Variants in ASCC1 observed in about 807,000 individuals in gnomAD.
The protein encoded by ASCC1 is activating signal cointegrator 1 complex subunit 1.
Under a neutral mutation model 46.6 loss-of-function variants are expected in ASCC1, and 35 were observed. The observed-to-expected ratio is 0.75, with a 90% CI of 0.57 to 0.99. ASCC1 has a LOEUF of 0.99. Among genes scored for constraint, ASCC1 ranks in the 50% least tolerant of loss-of-function variants. The pLI is 0.00. For synonymous variants in ASCC1, 143 were observed against 146.6 expected (o/e 0.98, Z 0.18); for missense variants, 376 against 428.7 (o/e 0.88, Z 1.09).
chr10:72,098,056 T>C (rs1388090986), intron 9 of ASCC1, among the ~76,000 whole-genome samples: 1 of 152,208 alleles, frequency 6.6e-6, no homozygotes, highest in African/African-American at 2.4e-5. Flanking sequence ...ACTTATCAAA[T>C]ACCTTTATTA....
intron 5 of ASCC1, among the ~76,000 whole-genome samples, chr10:72,167,581 A>AT (rs1341844476): frequency 6.6e-6 from 1 of 152,034 alleles, no homozygotes; most frequent in Non-Finnish European, 1.5e-5. Flanking sequence ...AAATGAATTA[A>AT]TTTTATGGTA....
At chr10:72,116,615 C>A (rs1564596852) in intron 9 of ASCC1, among the ~76,000 whole-genome samples, 1 of 152,188 alleles carries the variant, frequency 6.6e-6, no homozygotes, top group Non-Finnish European at 1.5e-5. Context: ...TACATAATTT[C>A]TTCTGATCTA....
chr10:72,152,174 T>G (rs1318445763), intron 7 of ASCC1, among the ~76,000 whole-genome samples: 1 of 116,874 alleles, frequency 8.6e-6, no homozygotes, highest in African/African-American at 7.3e-5. Flanking sequence ...GTTTTTGGGT[T>G]TTTTTTTTTT....
Position 72,213,178 on chromosome 10 carries a change from T to C in ASCC1, c.112+9A>G, listed in dbSNP as rs1434649346. On this transcript the variant is annotated intron_variant, in intron 2 of 9. Transcript: ENST00000672957. ...ACTTCTTATCTGACCAAAGAGCAAC[T>C]AGGATTACCTTGATAGAAGTCCTCT... The C allele has an allele frequency of 1.3e-6, 2 of 1,581,604 alleles. No homozygotes were observed. The highest frequency in any genetic ancestry group is 8.7e-7 in the Non-Finnish European group (1 of 1,150,952).
intron 5 of ASCC1, among the ~76,000 whole-genome samples, chr10:72,191,656 CTTTTT>C (rs976887800): frequency 2.0e-5 from 3 of 150,292 alleles, no homozygotes; most frequent in African/African-American, 7.3e-5. Context: ...AAAAAATTTT[CTTTTT>C]TTTTGAGATG....
At chr10:72,161,771 G>T in intron 5 of ASCC1, 97 bp from the exon 6 acceptor site, 1 of 1,443,544 alleles carries the variant, frequency 6.9e-7, no homozygotes, top group Non-Finnish European at 9.6e-7. Flanking sequence ...CACACCTACA[G>T]CCAAGTGATT....
intron 3 of ASCC1, among the ~76,000 whole-genome samples, chr10:72,209,224 G>A (rs1450863656): frequency 4.0e-5 from 6 of 151,642 alleles, no homozygotes; most frequent in African/African-American, 7.3e-5. Context: ...TGGGCACAGT[G>A]GCTCATCCCA....
chr10:72,167,805 T>A lies in ASCC1; in HGVS notation c.490-6131A>T, dbSNP rs997432503. Among the ~76,000 whole-genome samples, 4 of 152,030 alleles carry A rather than the reference T, an allele frequency of 2.6e-5. No individual in the cohort carries two copies. In the South Asian group the frequency reaches 8.3e-4, roughly 31 times the overall value. On this transcript the variant is annotated intron_variant, in intron 5 of 9. Transcript: ENST00000672957. ...CTCACATCACCACACCTAGCTAATT[T>A]TTTTTAAATTTTTGTAGAAATGGGG...
intron 7 of ASCC1, among the ~76,000 whole-genome samples, chr10:72,143,405 G>T (rs1186973278): frequency 6.6e-6 from 1 of 151,604 alleles, no homozygotes; most frequent in Non-Finnish European, 1.5e-5. Context: ...GGGTCTCTCT[G>T]TTGCTCAGAC....
chr10:72,158,011 T>A (rs1054872551), intron 6 of ASCC1, among the ~76,000 whole-genome samples: 14 of 152,210 alleles, frequency 9.2e-5, no homozygotes, highest in Non-Finnish European at 2.1e-4. Flanking sequence ...GTCCTCACTC[T>A]TAACTACCTC....
chr10:72,157,781 T>TA (rs891074430), intron 6 of ASCC1, among the ~76,000 whole-genome samples: 3 of 152,018 alleles, frequency 2.0e-5, no homozygotes, highest in Admixed American at 2.0e-4. Context: ...TTTTAAACTA[T>TA]AAAAAAAATT....
At chr10:72,116,584 A>C (rs1028368863) in intron 9 of ASCC1, among the ~76,000 whole-genome samples, 3 of 152,096 alleles carry the variant, frequency 2.0e-5, no homozygotes, top group African/African-American at 7.2e-5. Context: ...TGTAATTTTT[A>C]TCTCTGTCTA....
chr10:72,208,188 T>A (rs970123624), intron 3 of ASCC1, among the ~76,000 whole-genome samples: 1 of 152,094 alleles, frequency 6.6e-6, no homozygotes, highest in Non-Finnish European at 1.5e-5. Flanking sequence ...TAATTTAACA[T>A]GCAAGTCACT....
intron 5 of ASCC1, chr10:72,180,919 A>G (rs1022475441): frequency 5.1e-6 from 1 of 197,286 alleles, no homozygotes; most frequent in Non-Finnish European, 1.1e-5. Context: ...ACTTTGGGAC[A>G]TTGAAATGGG....
intron 3 of ASCC1, among the ~76,000 whole-genome samples, chr10:72,205,709 T>C (rs111997418): frequency 0.079 from 11,899 of 151,222 alleles, 1,239 homozygotes; most frequent in African/African-American, 0.23. Flanking sequence ...AGCAGGAGAA[T>C]TGCTTGAACC....
intron 9 of ASCC1, among the ~76,000 whole-genome samples, chr10:72,120,321 T>C (rs1053594470): frequency 9.2e-5 from 14 of 152,040 alleles, no homozygotes; most frequent in Admixed American, 2.0e-4. Flanking sequence ...TGGACATGGC[T>C]GAGAAAGAAT....
At chr10:72,101,138 G>A (rs1841703883) in intron 9 of ASCC1, among the ~76,000 whole-genome samples, 1 of 152,186 alleles carries the variant, frequency 6.6e-6, no homozygotes, top group Admixed American at 6.5e-5. Context: ...GCACATGAAA[G>A]TAGTTCTGTC....
At chr10:72,165,725 G>A (rs1428919406) in intron 5 of ASCC1, among the ~76,000 whole-genome samples, 2 of 152,148 alleles carry the variant, frequency 1.3e-5, no homozygotes, top group African/African-American at 2.4e-5. Context: ...TTTAATGAAA[G>A]TGATTGTAAG....
intron 5 of ASCC1, among the ~76,000 whole-genome samples, chr10:72,180,655 T>C (rs992505754): frequency 7.9e-5 from 12 of 151,692 alleles, no homozygotes; most frequent in Non-Finnish European, 1.5e-4. Flanking sequence ...AAAATCAAAA[T>C]TGATAATTCC....
Sources: gnomAD v4.1 joint callset for allele counts (sites outside exome capture counted in the v4.1 genomes callset) on GRCh38, gnomAD v4.1.1 for gene constraint, MANE v1.5 for transcripts, NCBI Gene and HGNC (gene_info 2026-07-23, HGNC 2026-07-21) for gene names.